The following PBLD variants were observed in gnomAD, a reference collection of about 807,000 sequenced individuals.
The protein encoded by PBLD is phenazine biosynthesis like protein domain containing, also known as phenazine biosynthesis-like domain-containing protein.
A neutral mutation model predicts 31.3 loss-of-function variants in PBLD; 26 were observed. The ratio of observed to expected loss-of-function variants is 0.83; its 90% confidence interval spans 0.61 to 1.15. The LOEUF (loss-of-function observed/expected upper bound fraction) is 1.15. PBLD is among the 50% of genes most tolerant of loss of function. PBLD has a pLI of 0.00. For missense variants in PBLD, 307 were observed against 351.7 expected, an observed-to-expected ratio of 0.87 and a Z score of 1.02; for synonymous variants, 114 against 129.0, an observed-to-expected ratio of 0.88 and a Z score of 0.79.
chr10:68,318,492 T>G (rs2044768788), intron 1 of PBLD, among the ~76,000 whole-genome samples: 1 of 149,222 alleles, frequency 6.7e-6, no homozygotes, highest in African/African-American at 2.5e-5. Context: ...GCCACTGCAC[T>G]GTAGCCTTGG....
At chr10:68,303,579 G>C (rs1317307562) in intron 2 of PBLD, among the ~76,000 whole-genome samples, 1 of 150,742 alleles carries the variant, frequency 6.6e-6, no homozygotes, top group Admixed American at 6.6e-5. Flanking sequence ...AAGATTGCTT[G>C]TCTCAAAAAA....
At chr10:68,289,420 G>A (rs545140619) in intron 6 of PBLD, among the ~76,000 whole-genome samples, 31 of 152,042 alleles carry the variant, frequency 2.0e-4, no homozygotes, top group Middle Eastern at 3.4e-3. Flanking sequence ...TCAGCTACTC[G>A]GGAGGCTGAG....
chr10:68,298,799 T>C (rs1219539703), intron 2 of PBLD, among the ~76,000 whole-genome samples: 1 of 148,342 alleles, frequency 6.7e-6, no homozygotes, highest in African/African-American at 2.5e-5. Context: ...CACACATTCC[T>C]CTTAACTCAA....
intron 1 of PBLD, among the ~76,000 whole-genome samples, chr10:68,321,146 GT>G (rs1295357821): frequency 2.0e-5 from 3 of 151,910 alleles, no homozygotes; most frequent in Non-Finnish European, 2.9e-5. Context: ...TATTTTTAGG[GT>G]TTTTTTCTTT....
chr10:68,319,264 A>C (rs913508793), intron 1 of PBLD, among the ~76,000 whole-genome samples: 4 of 152,236 alleles, frequency 2.6e-5, no homozygotes, highest in African/African-American at 9.6e-5. Context: ...GGAACAACAA[A>C]GACATGAGAC....
chr10:68,294,513 G>C (rs1348508501), intron 4 of PBLD, among the ~76,000 whole-genome samples: 1 of 152,144 alleles, frequency 6.6e-6, no homozygotes, highest in Non-Finnish European at 1.5e-5. Context: ...AGTTACCTTT[G>C]GCTGAGTAGA....
chr10:68,307,745 C>T (rs997748585), intron 1 of PBLD, among the ~76,000 whole-genome samples: 11 of 152,058 alleles, frequency 7.2e-5, no homozygotes, highest in Admixed American at 3.3e-4. Flanking sequence ...GTGATCCACC[C>T]GCCTCGGCCT....
intron 1 of PBLD, among the ~76,000 whole-genome samples, chr10:68,311,224 G>A (rs768955947): frequency 7.9e-5 from 12 of 152,072 alleles, no homozygotes; most frequent in Non-Finnish European, 1.6e-4. Flanking sequence ...CGAGGCAGGT[G>A]GATCAAGTCA....
intron 2 of PBLD, among the ~76,000 whole-genome samples, chr10:68,303,945 A>G (rs936262379): frequency 2.6e-5 from 4 of 152,144 alleles, no homozygotes; most frequent in South Asian, 2.1e-4. Context: ...TGTAGTGACT[A>G]CTGAATAACG....
intron 1 of PBLD, among the ~76,000 whole-genome samples, chr10:68,315,083 C>T (rs889762669): frequency 6.6e-6 from 1 of 152,146 alleles, no homozygotes; most frequent in African/African-American, 2.4e-5. Flanking sequence ...AGCCACCGTG[C>T]CCGGCTGTGG....
chr10:68,308,472 A>G (rs2044612525), intron 1 of PBLD, among the ~76,000 whole-genome samples: 1 of 137,844 alleles, frequency 7.3e-6, no homozygotes, highest in Non-Finnish European at 1.6e-5. Flanking sequence ...TTTAGACAGT[A>G]TATGAGAGTG....
intron 1 of PBLD, among the ~76,000 whole-genome samples, chr10:68,318,974 AGAAG>A (rs2044776168): frequency 6.6e-6 from 1 of 151,158 alleles, no homozygotes; most frequent in Admixed American, 6.6e-5. Flanking sequence ...CAGGCAGGCA[AGAAG>A]GAAGGAAGTT....
chr10:68,291,330 C>A (rs1485565638), intron 6 of PBLD, among the ~76,000 whole-genome samples: 2 of 152,168 alleles, frequency 1.3e-5, no homozygotes, highest in Admixed American at 6.5e-5. Context: ...CAAAATGTTT[C>A]ATCATCATTA....
At chr10:68,289,053 T>C (rs763928445) in intron 6 of PBLD, 34 bp from the exon 7 acceptor site, 2 of 1,534,840 alleles carry the variant, frequency 1.3e-6, no homozygotes, top group Non-Finnish European at 1.8e-6. Context: ...CTCAGGGACA[T>C]GCCCTGGGCC....
At chr10:68,303,813 A>G (rs1412069579) in intron 2 of PBLD, among the ~76,000 whole-genome samples, 2 of 89,134 alleles carry the variant, frequency 2.2e-5, no homozygotes, top group Non-Finnish European at 5.7e-5. Context: ...ATAACTTAAA[A>G]CAAAGCTACA....
intron 7 of PBLD, 96 bp from the exon 8 acceptor site, chr10:68,288,757 G>T (rs1420265715): frequency 2.9e-6 from 4 of 1,392,674 alleles, no homozygotes; most frequent in Non-Finnish European, 4.0e-6. Flanking sequence ...CTTGCTCAAA[G>T]AGCTTAACAG....
intron 1 of PBLD, chr10:68,332,029 C>G (rs972580627): frequency 6.5e-6 from 1 of 152,678 alleles, no homozygotes; most frequent in East Asian, 1.9e-4. Context: ...CTCCGCCCCC[C>G]ACTTCTTGCT....
At chr10:68,301,225 T>C (rs1470001579) in intron 2 of PBLD, among the ~76,000 whole-genome samples, 1 of 152,162 alleles carries the variant, frequency 6.6e-6, no homozygotes, top group African/African-American at 2.4e-5. Flanking sequence ...GATTAAACTT[T>C]AACATAATGG....
At chr10:68,304,379 G>A (rs554607045) in intron 2 of PBLD, among the ~76,000 whole-genome samples, 33 of 152,182 alleles carry the variant, frequency 2.2e-4, no homozygotes, top group Non-Finnish European at 4.6e-4. Context: ...AGCCTCAAAA[G>A]AAGTGAATTG....
Sources: gnomAD v4.1 joint callset for allele counts (sites outside exome capture counted in the v4.1 genomes callset) on GRCh38, gnomAD v4.1.1 for gene constraint, MANE v1.5 for transcripts, NCBI Gene and HGNC (gene_info 2026-07-23, HGNC 2026-07-21) for gene names.